Variants in BIRC6 observed in about 807,000 individuals in gnomAD.
BIRC6 encodes baculoviral IAP repeat containing 6.
In BIRC6, 98 loss-of-function variants were observed where a neutral mutation model predicts 503.3. That is an observed-to-expected ratio of 0.19 (90% CI 0.17 to 0.23). The LOEUF (loss-of-function observed/expected upper bound fraction) is 0.23, where lower values mean the gene tolerates loss of function less well. Among genes scored for constraint, BIRC6 ranks in the 10% least tolerant of loss-of-function variants. The pLI is 1.00. For synonymous variants in BIRC6, 2,240 were observed against 2,078.7 expected (o/e 1.08, Z -2.11); for missense variants, 5,360 against 5,806.0 (o/e 0.92, Z 2.50).
intron 6 of BIRC6, among the ~76,000 whole-genome samples, chr2:32,397,174 G>C (rs2039992202): frequency 6.6e-6 from 1 of 152,006 alleles, no homozygotes; most frequent in Non-Finnish European, 1.5e-5. Flanking sequence ...TGAAACCATA[G>C]AGAGTGAAGC....
chr2:32,447,077 A>T (rs1297577756), intron 21 of BIRC6, among the ~76,000 whole-genome samples: 1 of 144,892 alleles, frequency 6.9e-6, no homozygotes, highest in Non-Finnish European at 1.5e-5. Flanking sequence ...GGATAAGGTC[A>T]CAGATCAACA....
chr2:32,449,766 A>T (rs929619898), intron 22 of BIRC6, among the ~76,000 whole-genome samples: 2 of 152,200 alleles, frequency 1.3e-5, no homozygotes, highest in African/African-American at 4.8e-5. Flanking sequence ...TTAGGTTACT[A>T]TTGTTAACTG....
chr2:32,507,890 G>A, intron 50 of BIRC6, 90 bp from the exon 51 acceptor site: 1 of 1,252,566 alleles, frequency 8.0e-7, no homozygotes. Flanking sequence ...GAATACAACT[G>A]TGAAAGCTGC....
Position 32,491,516 on chromosome 2 carries a change from T to C in BIRC6, c.8298T>C (p.Leu2766=), listed in dbSNP as rs758930984. 1 of 1,613,674 alleles carries C rather than the reference T, an allele frequency of 6.2e-7. No homozygotes were observed. Among genetic ancestry groups the C allele is most frequent in the Non-Finnish European group, 8.5e-7 (1 of 1,179,690 alleles). Residue 2766 remains leucine (L), a synonymous_variant, in exon 44 of 74, where the codon CTT becomes CTC. Transcript: ENST00000421745. The part of the protein sequence containing the change: ...PNLIHVLVKF[L]SGTSPHGTNQ... ...TAATTCATGTATTAGTGAAATTTCT[T>C]TCTGGCACCAGTCCACATGGAACAA...
At chr2:32,393,812 C>T (rs1377766122) in intron 5 of BIRC6, among the ~76,000 whole-genome samples, 2 of 152,134 alleles carry the variant, frequency 1.3e-5, no homozygotes, top group Non-Finnish European at 2.9e-5. Flanking sequence ...TAAGCCACTG[C>T]GCCTGGCCTA....
intron 9 of BIRC6, among the ~76,000 whole-genome samples, chr2:32,409,154 TTTTTTGTTTTTG>T (rs370905726): frequency 2.0e-5 from 3 of 152,148 alleles, no homozygotes; most frequent in Non-Finnish European, 4.4e-5. Context: ...TTTTCTGTTT[TTTTTTGTTTTTG>T]TTTTTGTTTT....
In BIRC6 at chr2:32,593,933, T is replaced by C. The variant is rs781657353; in HGVS notation, c.13374T>C (p.Val4458=). The change falls in exon 67 of 74, where the codon GTT becomes GTC. Residue 4458 remains valine (V), a synonymous_variant. Coordinates refer to ENST00000421745, the MANE Select transcript of BIRC6 (RefSeq NM_016252.4). ...TNRLRSKREN[V]KTGVKPDASD... The stretch of plus-strand genomic sequence containing the variant: ...AATTCAGATCTAAAAGGGAAAATGT[T>C]AAAACAGGAGTAAAACCAGATGCGT... 9 of 1,611,234 alleles carry C rather than the reference T, an allele frequency of 5.6e-6. No homozygotes were observed. The South Asian group carries it at 1.0e-4, about 18-fold the overall frequency.
chr2:32,524,778 C>A, intron 57 of BIRC6, 110 bp from the exon 58 acceptor site: 1 of 769,296 alleles, frequency 1.3e-6, no homozygotes, highest in Non-Finnish European at 1.8e-6. Context: ...TTTATATTGC[C>A]TTAGTATTAA....
chr2:32,540,566 G>A (rs2057583847), intron 61 of BIRC6, among the ~76,000 whole-genome samples: 1 of 151,962 alleles, frequency 6.6e-6, no homozygotes, highest in Non-Finnish European at 1.5e-5. Flanking sequence ...CTTTCAAAAT[G>A]TGAAATAATA....
At chr2:32,594,133 T>C (rs747966707) in intron 67 of BIRC6, 73 bp downstream of exon 67, 24 of 1,476,352 alleles carry the variant, frequency 1.6e-5, no homozygotes, top group Non-Finnish European at 2.1e-5. Context: ...GAAACCTGCC[T>C]TTGTGTTTTT....
chr2:32,602,818 C>G (rs796249580), intron 70 of BIRC6, 188 bp from the exon 71 acceptor site: 1 of 460,818 alleles, frequency 2.2e-6, no homozygotes, highest in Non-Finnish European at 3.8e-6. Context: ...AGTTATAATG[C>G]CTCACAAATT....
At position 32,524,971 on chromosome 2, in the gene BIRC6, A is replaced by G. The variant is rs1411934695; in HGVS notation, c.11707A>G (p.Lys3903Glu). 2 of 1,567,816 alleles carry G rather than the reference A, an allele frequency of 1.3e-6. No individual in the cohort carries two copies. Among genetic ancestry groups the G allele is most frequent in the Non-Finnish European group, 1.7e-6 (2 of 1,158,212 alleles). ...AAACCATGAAGAGAAAGAAAAAGTTAAAGCGGAAAATGGATTTCAAGACAA... is the reference window on the plus strand; with the variant it reads ...AAACCATGAAGAGAAAGAAAAAGTTGAAGCGGAAAATGGATTTCAAGACAA... ...KKNHEEKEKV[K>E]AENGFQDNYS... The change falls in exon 58 of 74, where the codon AAA becomes GAA. Residue 3903 changes from lysine to glutamate, a missense_variant. By Grantham distance (56) the Lys-to-Glu change is moderately conservative. Transcript: ENST00000421745.
chr2:32,435,684 G>C, intron 14 of BIRC6, 99 bp downstream of exon 14: 2 of 1,273,398 alleles, frequency 1.6e-6, no homozygotes, highest in African/African-American at 1.5e-5. Flanking sequence ...GCAAAAACTT[G>C]GTTTCAAGAA....
chr2:32,540,732 T>G (rs1376650233), intron 61 of BIRC6, among the ~76,000 whole-genome samples: 1 of 152,046 alleles, frequency 6.6e-6, no homozygotes, highest in Non-Finnish European at 1.5e-5. Context: ...AAATTAATCT[T>G]TGTTGATGCC....
intron 65 of BIRC6, among the ~76,000 whole-genome samples, chr2:32,562,635 C>G (rs1042524991): frequency 2.6e-5 from 4 of 152,170 alleles, no homozygotes; most frequent in African/African-American, 7.2e-5. Context: ...AACCACTGTT[C>G]TTTGTACTGT....
At chr2:32,371,626 G>T (rs901613001) in intron 1 of BIRC6, among the ~76,000 whole-genome samples, 2 of 151,976 alleles carry the variant, frequency 1.3e-5, no homozygotes, top group African/African-American at 2.4e-5. Flanking sequence ...CAGGCAATCC[G>T]CCCGCCTCGG....
intron 69 of BIRC6, 75 bp downstream of exon 69, chr2:32,598,043 CTG>C (rs1249810066): frequency 7.9e-7 from 1 of 1,272,614 alleles, no homozygotes; most frequent in African/African-American, 1.5e-5. Context: ...TTATACAAAA[CTG>C]GAAATACTAT....
At chr2:32,572,507 C>G (rs918217949) in intron 65 of BIRC6, among the ~76,000 whole-genome samples, 2 of 152,132 alleles carry the variant, frequency 1.3e-5, no homozygotes, top group Non-Finnish European at 2.9e-5. Flanking sequence ...ATAGATAATG[C>G]CAGTTGGCTA....
intron 65 of BIRC6, among the ~76,000 whole-genome samples, chr2:32,559,364 A>G (rs1038098962): frequency 6.6e-6 from 1 of 152,236 alleles, no homozygotes; most frequent in Non-Finnish European, 1.5e-5. Flanking sequence ...ATGGTGTTGC[A>G]TAACAGCGTG....
Sources: gnomAD v4.1 joint callset for allele counts (sites outside exome capture counted in the v4.1 genomes callset) on GRCh38, gnomAD v4.1.1 for gene constraint, MANE v1.5 for transcripts, NCBI Gene and HGNC (gene_info 2026-07-23, HGNC 2026-07-21) for gene names.